The following SORCS3 variants were observed in gnomAD, a reference collection of about 807,000 sequenced individuals.
The protein encoded by SORCS3 is sortilin related VPS10 domain containing receptor 3.
A neutral mutation model predicts 146.3 loss-of-function variants in SORCS3; 57 were observed. That is an observed-to-expected ratio of 0.39 (90% CI 0.31 to 0.49). The LOEUF is 0.49. Ranked by LOEUF, SORCS3 falls within the 20% of genes least tolerant of loss-of-function variation. The pLI is 0.92. For missense variants in SORCS3, 1,341 were observed against 1,575.5 expected (o/e 0.85, Z 2.52); for synonymous variants, 653 against 618.5 (o/e 1.06, Z -0.83).
intron 6 of SORCS3, among the ~76,000 whole-genome samples, chr10:105,098,240 G>A (rs2055759710): frequency 1.3e-5 from 2 of 152,182 alleles, no homozygotes; most frequent in Admixed American, 1.3e-4. Context: ...TAAAGGCAAT[G>A]GGACTGCAGA....
intron 1 of SORCS3, among the ~76,000 whole-genome samples, chr10:104,695,258 A>G (rs998664225): frequency 2.6e-5 from 4 of 152,080 alleles, no homozygotes; most frequent in African/African-American, 9.7e-5. Context: ...TGAGGAATTA[A>G]TGGGGAGAAG....
intron 13 of SORCS3, among the ~76,000 whole-genome samples, chr10:105,173,831 G>A (rs11192352): frequency 0.097 from 14,748 of 152,118 alleles, 854 homozygotes; most frequent in Admixed American, 0.16. Context: ...CCTTTCCTCT[G>A]TAATGGTTTT....
chr10:104,747,601 T>G (rs1457812634), intron 1 of SORCS3, among the ~76,000 whole-genome samples: 2 of 152,224 alleles, frequency 1.3e-5, no homozygotes, highest in African/African-American at 4.8e-5. Flanking sequence ...GCTTCCCATA[T>G]GTGGTGTATA....
intron 1 of SORCS3, among the ~76,000 whole-genome samples, chr10:104,695,964 C>A (rs181951503): frequency 4.1e-4 from 57 of 140,146 alleles, no homozygotes; most frequent in African/African-American, 1.3e-3. Flanking sequence ...ATTATATACA[C>A]ATATAATATA....
Position 105,109,663 on chromosome 10 carries a change from T to A in SORCS3, c.1212+4148T>A, listed in dbSNP as rs1008101507. On this transcript the variant is annotated intron_variant, in intron 7 of 26. Coordinates refer to ENST00000369701, the MANE Select transcript of SORCS3 (RefSeq NM_014978.3). ...TTTTACTCCAATAATTTGTTACTATTCAGACCAGTCTCATATTTTTCATTA... is the reference window on the plus strand; with the variant it reads ...TTTTACTCCAATAATTTGTTACTATACAGACCAGTCTCATATTTTTCATTA... Among the ~76,000 whole-genome samples, 7 of 152,252 alleles carry A rather than the reference T, an allele frequency of 4.6e-5. No individual in the cohort carries two copies. In the East Asian group the frequency reaches 1.3e-3, roughly 29 times the overall value.
At chr10:105,029,849 CAG>C (rs1190578568) in intron 4 of SORCS3, among the ~76,000 whole-genome samples, 1 of 152,224 alleles carries the variant, frequency 6.6e-6, no homozygotes, top group African/African-American at 2.4e-5. Context: ...ATTACCTGAA[CAG>C]AGTTTCTCCC....
At chr10:105,234,998 A>G (rs1484248) in intron 20 of SORCS3, among the ~76,000 whole-genome samples, 13,413 of 152,068 alleles carry the variant, frequency 0.088, 788 homozygotes, top group Admixed American at 0.16. Flanking sequence ...ATGGTAAGCT[A>G]TGGAAGGAGG....
chr10:105,042,796 A>G (rs536600946), intron 4 of SORCS3, among the ~76,000 whole-genome samples: 1 of 152,258 alleles, frequency 6.6e-6, no homozygotes, highest in African/African-American at 2.4e-5. Flanking sequence ...CTACATGACA[A>G]TGGAGACAGT....
chr10:105,045,021 G>GAA (rs35904016), intron 5 of SORCS3, among the ~76,000 whole-genome samples: 1,663 of 117,890 alleles, frequency 0.014, 43 homozygotes, highest in African/African-American at 0.054. Context: ...TCCAGAATTC[G>GAA]AAAAAAAAAA....
intron 9 of SORCS3, among the ~76,000 whole-genome samples, chr10:105,155,846 C>T (rs1190124434): frequency 6.6e-6 from 1 of 152,146 alleles, no homozygotes; most frequent in Non-Finnish European, 1.5e-5. Context: ...CTGGTGGTGT[C>T]CTTCCAGTTA....
intron 2 of SORCS3, among the ~76,000 whole-genome samples, chr10:104,869,243 C>T (rs546051051): frequency 6.6e-6 from 1 of 152,050 alleles, no homozygotes; most frequent in African/African-American, 2.4e-5. Context: ...TGAAAAGTTT[C>T]ACAATGTGTA....
At chr10:105,013,807 G>T (rs1288405123) in intron 4 of SORCS3, among the ~76,000 whole-genome samples, 2 of 151,950 alleles carry the variant, frequency 1.3e-5, no homozygotes, top group Non-Finnish European at 2.9e-5. Context: ...GGTGCTTATA[G>T]GAACTTATCA....
At chr10:104,772,407 G>A (rs1275607647) in intron 1 of SORCS3, among the ~76,000 whole-genome samples, 1 of 152,162 alleles carries the variant, frequency 6.6e-6, no homozygotes, top group South Asian at 2.1e-4. Context: ...CTTCTCTGGT[G>A]TCTCTGATTA....
rs369293021 is a variant in SORCS3 at position 105,252,862 on chromosome 10, A to G, written c.3193A>G (p.Asn1065Asp). ...SAELFILPPKNLTERRKGNEG... is the reference protein window; with the variant it reads ...SAELFILPPKDLTERRKGNEG... The stretch of plus-strand genomic sequence containing the variant: ...AGAGCTTTTCATTCTTCCACCCAAG[A>G]ACCTGACAGAGAGGAGGAAAGGCAA... Residue 1065 changes from asparagine (N) to aspartate (D), a missense_variant, in exon 23 of 27, where the codon AAC (asparagine) becomes GAC (aspartate). Asn to Asp is a conservative substitution (Grantham distance 23). Coordinates refer to ENST00000369701, the MANE Select transcript of SORCS3 (RefSeq NM_014978.3). 1.0e-4 allele frequency: 165 copies of G among 1,613,856 alleles called. No homozygotes were observed. The highest frequency in any genetic ancestry group is 1.3e-4 in the Non-Finnish European group (157 of 1,179,968).
At chr10:104,704,007 T>C (rs1330591558) in intron 1 of SORCS3, among the ~76,000 whole-genome samples, 1 of 152,188 alleles carries the variant, frequency 6.6e-6, no homozygotes, top group Non-Finnish European at 1.5e-5. Flanking sequence ...TGTCACCTAC[T>C]TCAGTGGCCT....
intron 4 of SORCS3, among the ~76,000 whole-genome samples, chr10:105,035,174 G>C (rs935170036): frequency 6.6e-6 from 1 of 152,188 alleles, no homozygotes; most frequent in Admixed American, 6.5e-5. Flanking sequence ...TTTTTCTGGA[G>C]GGTCTGCTTT....
At chr10:105,146,582 A>G (rs1413863117) in intron 8 of SORCS3, among the ~76,000 whole-genome samples, 1 of 152,042 alleles carries the variant, frequency 6.6e-6, no homozygotes, top group East Asian at 1.9e-4. Context: ...TTTGTGATTC[A>G]TATTTACTTC....
At chr10:104,707,421 C>T (rs1054035710) in intron 1 of SORCS3, among the ~76,000 whole-genome samples, 1 of 152,078 alleles carries the variant, frequency 6.6e-6, no homozygotes, top group East Asian at 1.9e-4. Context: ...GCTATGGGGG[C>T]ACTTTTTGGT....
chr10:104,863,167 T>C (rs2018423994), intron 2 of SORCS3, among the ~76,000 whole-genome samples: 1 of 152,206 alleles, frequency 6.6e-6, no homozygotes, highest in Non-Finnish European at 1.5e-5. Flanking sequence ...GCCCTGTTCA[T>C]AACCAAGGAG....
Sources: allele counts gnomAD v4.1 joint callset (sites outside exome capture counted in the v4.1 genomes callset), GRCh38; gene constraint gnomAD v4.1.1; transcripts MANE v1.5; gene names NCBI Gene and HGNC (gene_info 2026-07-23, HGNC 2026-07-21).